SMC6: variants seen among roughly 807,000 people sequenced by gnomAD.
The protein encoded by SMC6 is structural maintenance of chromosomes 6.
Under a neutral mutation model 142.2 loss-of-function variants are expected in SMC6, and 79 were observed. The observed-to-expected ratio is 0.56, with a 90% CI of 0.46 to 0.67. SMC6 has a LOEUF of 0.67. Among genes scored for constraint, SMC6 ranks in the 30% least tolerant of loss-of-function variants. SMC6 has a pLI of 0.00. For missense variants in SMC6, 1,072 were observed against 1,284.0 expected (o/e 0.83, Z 2.52); for synonymous variants, 411 against 412.4 (o/e 1.00, Z 0.04).
At chr2:17,710,370 G>A (rs1668767836) in intron 16 of SMC6, among the ~76,000 whole-genome samples, 1 of 152,166 alleles carries the variant, frequency 6.6e-6, no homozygotes, top group African/African-American at 2.4e-5. Flanking sequence ...AGTTTGAAAT[G>A]CTTATTGGGC....
chr2:17,697,879 T>C (rs1668083891), intron 21 of SMC6, among the ~76,000 whole-genome samples: 1 of 152,094 alleles, frequency 6.6e-6, no homozygotes, highest in South Asian at 2.1e-4. Context: ...CAAAAACTTG[T>C]ACATGAATGT....
chr2:17,749,478 A>G (rs963747921), intron 2 of SMC6, among the ~76,000 whole-genome samples: 3 of 152,228 alleles, frequency 2.0e-5, no homozygotes, highest in African/African-American at 7.2e-5. Context: ...TCACGAGGTC[A>G]GGAGTTTGAG....
At chr2:17,716,320 T>C in intron 14 of SMC6, 56 bp from the exon 15 acceptor site, 3 of 1,545,336 alleles carry the variant, frequency 1.9e-6, no homozygotes, top group Non-Finnish European at 2.6e-6. Flanking sequence ...ACAGAAACAT[T>C]TAACCTTTGC....
At chr2:17,699,950 T>G (rs1166746278) in intron 21 of SMC6, among the ~76,000 whole-genome samples, 1 of 150,548 alleles carries the variant, frequency 6.6e-6, no homozygotes, top group African/African-American at 2.4e-5. Context: ...TTAAAAATCA[T>G]AAAAAGGTGA....
chr2:17,666,286 C>T (rs1204190507), intron 27 of SMC6, 134 bp downstream of exon 27: 1 of 606,236 alleles, frequency 1.6e-6, no homozygotes, highest in African/African-American at 1.8e-5. Flanking sequence ...CCCAAATCTC[C>T]TGAACCAGTA....
At position 17,716,185 on chromosome 2, in the gene SMC6, G is replaced by T. The variant is rs751244792; in HGVS notation, c.1426C>A (p.Arg476=). 40 of 1,612,562 alleles carry T rather than the reference G, an allele frequency of 2.5e-5. No individual in the cohort carries two copies. The South Asian group carries it at 3.9e-4, about 16-fold the overall frequency. The change falls in exon 15 of 28, where the codon CGA becomes AGA. Residue 476 remains arginine (R), a synonymous_variant. Transcript: ENST00000448223. ...LKELKDSKTD[R]LKRFGPNVPA... ...ACATTAGGGCCAAATCTTTTGAGTCGATCAGTTTTACTATCTTTCAATTCT... is the reference window on the plus strand; with the variant it reads ...ACATTAGGGCCAAATCTTTTGAGTCTATCAGTTTTACTATCTTTCAATTCT...
In SMC6 at chr2:17,700,359, T is replaced by C. The variant is rs1274032130; in HGVS notation, c.2243A>G (p.Asn748Ser). 6.2e-7 allele frequency: 1 copy of C among 1,605,242 alleles called. No individual in the cohort carries two copies. Among genetic ancestry groups the C allele is most frequent in the Non-Finnish European group, 8.5e-7 (1 of 1,176,912 alleles). Residue 748 changes from asparagine to serine, a missense_variant, in exon 21 of 28, where the codon AAT becomes AGT. Transcript: ENST00000448223. ...CTCAACCATTTTCATTTTGCTTTTA[T>C]TTTCCTGAGCTTCATCTTCCTGATA... ...IATLEDEAQE[N>S]KSKMKMVEEH...
intron 9 of SMC6, 139 bp from the exon 10 acceptor site, chr2:17,721,400 A>C: frequency 1.1e-6 from 1 of 935,192 alleles, no homozygotes; most frequent in Non-Finnish European, 1.5e-6. Flanking sequence ...TATTTTTTAA[A>C]ATTATTCTTG....
intron 7 of SMC6, among the ~76,000 whole-genome samples, chr2:17,729,676 A>T (rs2125041389): frequency 6.6e-6 from 1 of 152,310 alleles, no homozygotes; most frequent in East Asian, 1.9e-4. Context: ...TGATTCTAAT[A>T]AATTGTCCTG....
At position 17,707,388 on chromosome 2, in the gene SMC6, A is replaced by G. The variant is rs562999595; in HGVS notation, c.1846-9T>C. ...CGAGCTACAGAATTATTCTAAAAGA[A>G]TAGAAGAAAATAAATTTTTTAAGAC... On this transcript the variant is annotated splice_polypyrimidine_tract_variant and intron_variant, in intron 17 of 27. Transcript: ENST00000448223. 4 of 1,435,570 alleles carry G rather than the reference A, an allele frequency of 2.8e-6. No individual in the cohort carries two copies. The South Asian group carries it at 6.7e-5, about 24-fold the overall frequency. The allele number at this position is 1,435,570 out of a possible 1,614,324, so 88.9% of individuals were successfully genotyped here.
At chr2:17,683,387 T>C (rs1481575157) in intron 24 of SMC6, among the ~76,000 whole-genome samples, 1 of 152,128 alleles carries the variant, frequency 6.6e-6, no homozygotes, top group Non-Finnish European at 1.5e-5. Flanking sequence ...ATGAGTTCCC[T>C]TTCAAAGGAC....
At chr2:17,666,936 C>T (rs1371806371) in intron 26 of SMC6, among the ~76,000 whole-genome samples, 13 of 152,082 alleles carry the variant, frequency 8.5e-5, no homozygotes, top group Non-Finnish European at 1.6e-4. Context: ...AAGCTATGAT[C>T]GCACCATTGT....
rs749816499 is a variant in SMC6, at chr2:17,726,433, T to C, written c.580A>G (p.Ser194Gly). The change falls in exon 8 of 28, where the codon AGC becomes GGC. Residue 194 changes from serine to glycine, a missense_variant. Transcript: ENST00000448223. Reference protein sequence around the residue: ...NPVSVLTQEMSKQFLQSKNEG... With the variant: ...NPVSVLTQEMGKQFLQSKNEG... ...TTTTTAGACTGTAAGAACTGCTTGC[T>C]CATTTCTTGTGTTAAAACAGAAACT... 37 of 1,612,142 alleles carry C rather than the reference T, an allele frequency of 2.3e-5. No individual in the cohort carries two copies. The highest frequency in any genetic ancestry group is 3.0e-5 in the Non-Finnish European group (35 of 1,179,540).
intron 16 of SMC6, among the ~76,000 whole-genome samples, chr2:17,713,203 C>T (rs947989394): frequency 1.3e-5 from 2 of 152,194 alleles, no homozygotes; most frequent in Non-Finnish European, 2.9e-5. Context: ...ACAGACTCTC[C>T]CTCCACTCAC....
In SMC6 at chr2:17,752,975, T is replaced by TA. The variant is rs1449158738; in HGVS notation, c.-6+2dup. 1.0e-6 allele frequency: 1 copy of TA among 978,700 alleles called. No homozygotes were observed. Among genetic ancestry groups the TA allele is most frequent in the Non-Finnish European group, 1.2e-6 (1 of 823,878 alleles). 60.6% of individuals were successfully genotyped at this position (978,700 alleles called of 1,614,324 possible). ...ATTGCTCTAAGAATTTTCACAGTAT[T>TA]ACCTCAAACCCTATTGGTTCTACAA... On this transcript the variant is annotated splice_region_variant and intron_variant, in intron 2 of 27. Transcript: ENST00000448223.
intron 4 of SMC6, chr2:17,740,783 G>A (rs961651595): frequency 4.7e-6 from 2 of 423,720 alleles, no homozygotes; most frequent in South Asian, 3.2e-5. Flanking sequence ...CTGGGAGGCA[G>A]AGGTTGCATT....
At chr2:17,695,109 G>T in intron 23 of SMC6, 43 bp downstream of exon 23, 1 of 1,600,130 alleles carries the variant, frequency 6.2e-7, no homozygotes, top group Non-Finnish European at 8.5e-7. Context: ...TTGATGATAT[G>T]CATGAATAAT....
intron 23 of SMC6, among the ~76,000 whole-genome samples, chr2:17,692,698 C>G (rs1394401871): frequency 3.6e-4 from 55 of 152,152 alleles, no homozygotes; most frequent in Non-Finnish European, 5.9e-4. Context: ...AGCCAAAATT[C>G]ACAAATGGGA....
chr2:17,672,068 CTATCA>C (rs1255504742), intron 25 of SMC6, among the ~76,000 whole-genome samples: 5 of 152,044 alleles, frequency 3.3e-5, no homozygotes, highest in Admixed American at 1.3e-4. Flanking sequence ...AATTTTACAC[CTATCA>C]TAAGTCTAAA....
Sources: allele counts gnomAD v4.1 joint callset (sites outside exome capture counted in the v4.1 genomes callset), GRCh38; gene constraint gnomAD v4.1.1; transcripts MANE v1.5; gene names NCBI Gene and HGNC (gene_info 2026-07-23, HGNC 2026-07-21).